NAV3: variants seen among roughly 807,000 people sequenced by gnomAD.
NAV3 encodes pore membrane and/or filament interacting like protein 1.
In NAV3, 87 loss-of-function variants were observed where a neutral mutation model predicts 244.7. The ratio of observed to expected loss-of-function variants is 0.36; its 90% confidence interval spans 0.30 to 0.42. The LOEUF (loss-of-function observed/expected upper bound fraction) is 0.42. Ranked by LOEUF, NAV3 falls within the 20% of genes least tolerant of loss-of-function variation. The probability of loss-of-function intolerance (pLI) is 1.00; values close to 1 mark genes in which losing one functional copy is unlikely to be tolerated. For synonymous variants in NAV3, 1,126 were observed against 1,042.2 expected (o/e 1.08, Z -1.55); for missense variants, 2,663 against 2,893.3 (o/e 0.92, Z 1.83).
chr12:78,167,569 G>A (rs1236271170), intron 23 of NAV3, among the ~76,000 whole-genome samples: 2 of 149,622 alleles, frequency 1.3e-5, no homozygotes, highest in Non-Finnish European at 1.5e-5. Flanking sequence ...ATATTCCCAT[G>A]TATGAAGCAA....
rs556644039 is a variant in NAV3 at position 77,762,518 on chromosome 12, G to T, written c.73-177801G>T. 3.3e-5 allele frequency among the ~76,000 whole-genome samples: 5 copies of T among 152,192 alleles called. 1 individual carries two copies. The highest frequency in any genetic ancestry group is 2.1e-4 in the South Asian group (1 of 4,816). ...CTCAGGAGGCTGTGGCAGGGGAATCGCTTGAACCCGGGAGGCGGAGGTTGT... is the reference window on the plus strand; with the variant it reads ...CTCAGGAGGCTGTGGCAGGGGAATCTCTTGAACCCGGGAGGCGGAGGTTGT... On this transcript the variant is annotated intron_variant, in intron 2 of 8. Coordinates refer to the NAV3 transcript ENST00000550042.
intron 16 of NAV3, among the ~76,000 whole-genome samples, chr12:78,125,867 C>T (rs946248831): frequency 6.6e-6 from 1 of 152,016 alleles, no homozygotes; most frequent in Non-Finnish European, 1.5e-5. Context: ...AATTTTTATA[C>T]AACTGGATGA....
chr12:77,605,404 A>G (rs1232342113), intron 2 of NAV3, among the ~76,000 whole-genome samples: 3 of 152,082 alleles, frequency 2.0e-5, no homozygotes, highest in African/African-American at 4.8e-5. Flanking sequence ...GGTTATCATT[A>G]TATTTTTTTC....
intron 2 of NAV3, among the ~76,000 whole-genome samples, chr12:77,772,827 A>G (rs1039285773): frequency 6.6e-6 from 1 of 152,198 alleles, no homozygotes; most frequent in African/African-American, 2.4e-5. Context: ...TGTATGTTAC[A>G]TGATATCACT....
chr12:77,976,674 C>CTTTTTT (rs869041498), intron 5 of NAV3, among the ~76,000 whole-genome samples: 4 of 83,442 alleles, frequency 4.8e-5, no homozygotes, highest in East Asian at 4.0e-4. Context: ...TTCTTTTTTT[C>CTTTTTT]TTTTTTTTTT....
intron 2 of NAV3, among the ~76,000 whole-genome samples, chr12:77,703,580 C>T (rs1339701695): frequency 6.6e-6 from 1 of 152,034 alleles, no homozygotes; most frequent in Non-Finnish European, 1.5e-5. Flanking sequence ...TTATATGTAA[C>T]CTTCTAAGAA....
chr12:77,956,161 A>G (rs1444888620), intron 3 of NAV3, among the ~76,000 whole-genome samples: 2 of 152,220 alleles, frequency 1.3e-5, no homozygotes, highest in Non-Finnish European at 2.9e-5. Flanking sequence ...GATAAATTCT[A>G]TGTAATTACT....
intron 2 of NAV3, among the ~76,000 whole-genome samples, chr12:77,753,877 A>G (rs1034681721): frequency 6.6e-6 from 1 of 152,182 alleles, no homozygotes; most frequent in Admixed American, 6.5e-5. Context: ...TGAATGAAAG[A>G]TGTTTTGTCA....
At chr12:78,101,750 A>G (rs962776486) in intron 12 of NAV3, among the ~76,000 whole-genome samples, 8 of 152,300 alleles carry the variant, frequency 5.3e-5, no homozygotes, top group East Asian at 1.9e-4. Context: ...GTTTGCTGAT[A>G]TAAGAGGTAT....
intron 2 of NAV3, among the ~76,000 whole-genome samples, chr12:77,643,480 C>T (rs1872504494): frequency 6.6e-6 from 1 of 151,504 alleles, no homozygotes; most frequent in African/African-American, 2.4e-5. Context: ...ACTGTCTTAG[C>T]ATCATATCTT....
chr12:77,662,390 T>C (rs1827169891), intron 2 of NAV3, among the ~76,000 whole-genome samples: 1 of 152,054 alleles, frequency 6.6e-6, no homozygotes, highest in Non-Finnish European at 1.5e-5. Context: ...AGTTGTTTCT[T>C]AATTACATTC....
Position 77,665,604 on chromosome 12 carries a change from T to C in NAV3, c.72+93338T>C, listed in dbSNP as rs552654308. ...GAGATCTCATAATGTCTTTAAAATC[T>C]GATATGATTTTTTTGAGTTATAAAT... On this transcript the variant is annotated intron_variant, in intron 2 of 8. Transcript: ENST00000550042. 5.3e-5 allele frequency among the ~76,000 whole-genome samples: 8 copies of C among 152,332 alleles called. No homozygotes were observed. In the East Asian group the frequency reaches 1.3e-3, roughly 26 times the overall value.
chr12:78,103,890 G>A (rs1028881784), intron 12 of NAV3, among the ~76,000 whole-genome samples: 5 of 152,206 alleles, frequency 3.3e-5, no homozygotes, highest in African/African-American at 1.2e-4. Context: ...TGAGATTTGG[G>A]TAGGGACACA....
At chr12:77,894,460 A>G (rs767099323) in intron 1 of NAV3, among the ~76,000 whole-genome samples, 5 of 152,310 alleles carry the variant, frequency 3.3e-5, no homozygotes, top group Non-Finnish European at 4.4e-5. Flanking sequence ...ATTTTATGTA[A>G]AAGTTTCGAG....
intron 20 of NAV3, among the ~76,000 whole-genome samples, chr12:78,144,135 A>G (rs1375402373): frequency 6.6e-6 from 1 of 152,210 alleles, no homozygotes; most frequent in Non-Finnish European, 1.5e-5. Context: ...ATTAAAAACT[A>G]TATTTAACCT....
intron 2 of NAV3, among the ~76,000 whole-genome samples, chr12:77,666,138 G>A (rs1592559713): frequency 6.8e-6 from 1 of 147,150 alleles, no homozygotes; most frequent in Non-Finnish European, 1.5e-5. Context: ...GTATACTCAT[G>A]TAGACATACC....
intron 4 of NAV3, among the ~76,000 whole-genome samples, chr12:77,967,980 T>TA (rs1159551787): frequency 6.6e-6 from 1 of 152,200 alleles, no homozygotes; most frequent in East Asian, 1.9e-4. Flanking sequence ...TATACATACA[T>TA]AAATATGTAT....
intron 2 of NAV3, among the ~76,000 whole-genome samples, chr12:77,789,427 G>A (rs958172750): frequency 2.0e-5 from 3 of 151,966 alleles, no homozygotes; most frequent in Non-Finnish European, 4.4e-5. Flanking sequence ...TAGGACAGGG[G>A]TGTCCAATTT....
intron 12 of NAV3, among the ~76,000 whole-genome samples, chr12:78,060,320 A>C (rs185313384): frequency 6.6e-6 from 1 of 152,300 alleles, no homozygotes; most frequent in East Asian, 1.9e-4. Flanking sequence ...CTAGATACCC[A>C]GGGAATTCTA....
Sources: allele counts gnomAD v4.1 joint callset (sites outside exome capture counted in the v4.1 genomes callset), GRCh38; gene constraint gnomAD v4.1.1; transcripts MANE v1.5; gene names NCBI Gene and HGNC (gene_info 2026-07-23, HGNC 2026-07-21).